MCF2L2: variants seen among roughly 807,000 people sequenced by gnomAD.
MCF2L2 encodes probable guanine nucleotide exchange factor MCF2L2.
MCF2L2 carries 102 observed loss-of-function variants against 150.2 expected under a neutral mutation model. That is an observed-to-expected ratio of 0.68 (90% CI 0.58 to 0.80). The LOEUF (loss-of-function observed/expected upper bound fraction) is 0.80. Ranked by LOEUF, MCF2L2 falls within the 30% of genes least tolerant of loss-of-function variation. MCF2L2 has a pLI of 0.00. For synonymous variants in MCF2L2, 465 were observed against 491.3 expected (o/e 0.95, Z 0.71); for missense variants, 1,256 against 1,372.8 (o/e 0.91, Z 1.34).
rs35973262 is a variant in MCF2L2 at position 183,217,294 on chromosome 3, CAAAAAAAAA to C, written c.2371-1209_2371-1201del. Among the ~76,000 whole-genome samples, 76 of 15,208 alleles carry C rather than the reference CAAAAAAAAA, an allele frequency of 5.0e-3. 1 individual carries two copies. The highest frequency in any genetic ancestry group is 0.018 in the African/African-American group (74 of 4,094). 10.0% of individuals were successfully genotyped at this position (15,208 alleles called of 152,430 possible). Reference sequence around the variant, plus strand: ...GGGTAACAAGAGTGAAACCCCGTCTCAAAAAAAAAAAAAAAAAAAAAAAAAAAAGTAGCT... The same window carrying C: ...GGGTAACAAGAGTGAAACCCCGTCTCAAAAAAAAAAAAAAAAAAAGTAGCT... On this transcript the variant is annotated intron_variant, in intron 21 of 29. Transcript: ENST00000328913.
At chr3:183,395,200 C>T (rs188880733) in intron 1 of MCF2L2, among the ~76,000 whole-genome samples, 42 of 152,270 alleles carry the variant, frequency 2.8e-4, no homozygotes, top group Admixed American at 5.2e-4. Flanking sequence ...TATGTAATGG[C>T]ATAGACTGTG....
chr3:183,371,514 C>T (rs1712880727), intron 3 of MCF2L2, among the ~76,000 whole-genome samples: 1 of 145,840 alleles, frequency 6.9e-6, no homozygotes, highest in African/African-American at 2.6e-5. Flanking sequence ...GTCACCCAGG[C>T]TGTAGTGCAG....
chr3:183,327,141 A>G (rs1730077870), intron 5 of MCF2L2, among the ~76,000 whole-genome samples: 1 of 152,070 alleles, frequency 6.6e-6, no homozygotes, highest in Non-Finnish European at 1.5e-5. Flanking sequence ...CCTGACCAAC[A>G]TGGTGAAACC....
intron 1 of MCF2L2, among the ~76,000 whole-genome samples, chr3:183,396,502 A>C (rs915151001): frequency 1.3e-5 from 2 of 152,190 alleles, no homozygotes; most frequent in Non-Finnish European, 2.9e-5. Flanking sequence ...GTTAAACACA[A>C]TTACATTTTA....
intron 22 of MCF2L2, among the ~76,000 whole-genome samples, chr3:183,212,956 T>TG (rs1173392435): frequency 0.04 from 156 of 3,878 alleles, no homozygotes; most frequent in Middle Eastern, 0.5. Context: ...TGTGGGGGGG[T>TG]GGGGGGGGTG....
intron 25 of MCF2L2, among the ~76,000 whole-genome samples, chr3:183,200,791 C>G (rs375646880): frequency 3.3e-5 from 5 of 151,948 alleles, no homozygotes; most frequent in East Asian, 1.9e-4. Flanking sequence ...ATCTTGAATT[C>G]ATTTTTGTAT....
At position 183,300,011 on chromosome 3, in the gene MCF2L2, C is replaced by T; in HGVS notation, c.1299G>A (p.Leu433=). The change falls in exon 11 of 30, where the codon CTG becomes CTA. Residue 433 remains leucine (L), a synonymous_variant. Coordinates refer to ENST00000328913, the MANE Select transcript of MCF2L2 (RefSeq NM_015078.4). ...TTGGCTGTGTTTTGCTCACCTTGTC[C>T]AGCTGTCTATGAAACTCTAAGGACT... The part of the protein sequence containing the change: ...LGKSLEFHRQ[L]DKVSQWCEAG... The T allele has an allele frequency of 6.2e-7, 1 of 1,611,776 alleles. No individual in the cohort carries two copies. Among genetic ancestry groups the T allele is most frequent in the Non-Finnish European group, 8.5e-7 (1 of 1,179,382 alleles).
At chr3:183,413,707 T>C (rs758589265) in intron 1 of MCF2L2, among the ~76,000 whole-genome samples, 18 of 152,234 alleles carry the variant, frequency 1.2e-4, no homozygotes, top group Admixed American at 7.2e-4. Context: ...CCTCTGCTTT[T>C]GTCAGGAGGT....
At chr3:183,188,904 G>T (rs1335567132) in intron 27 of MCF2L2, among the ~76,000 whole-genome samples, 3 of 152,100 alleles carry the variant, frequency 2.0e-5, no homozygotes, top group African/African-American at 7.2e-5. Flanking sequence ...GGAGGTGGAG[G>T]TTGCAGTGAT....
intron 15 of MCF2L2, among the ~76,000 whole-genome samples, chr3:183,249,325 T>C (rs1212400611): frequency 6.6e-6 from 1 of 152,182 alleles, no homozygotes; most frequent in East Asian, 1.9e-4. Flanking sequence ...ATCAGGCCAT[T>C]TTCACAGGGG....
chr3:183,382,625 ATAAT>A lies in MCF2L2; in HGVS notation c.161-3218_161-3215del, dbSNP rs555022103. On this transcript the variant is annotated intron_variant, in intron 2 of 29. Coordinates refer to ENST00000328913, the MANE Select transcript of MCF2L2 (RefSeq NM_015078.4). The stretch of plus-strand genomic sequence containing the variant: ...CGCGGTAATGCAATAGGAAGAAAGA[ATAAT>A]TATTCCAAAGTCCAGTGCATTCCTT... Among the ~76,000 whole-genome samples, 17 of 152,350 alleles carry A rather than the reference ATAAT, an allele frequency of 1.1e-4. No individual in the cohort carries two copies. The East Asian group carries it at 3.1e-3, about 28-fold the overall frequency.
intron 2 of MCF2L2, 23 bp downstream of exon 2, chr3:183,389,673 A>G: frequency 6.2e-7 from 1 of 1,606,782 alleles, no homozygotes; most frequent in Non-Finnish European, 8.5e-7. Flanking sequence ...AAATCTGGAA[A>G]TGCAAATGAA....
intron 21 of MCF2L2, among the ~76,000 whole-genome samples, 162 bp downstream of exon 21, chr3:183,219,694 A>T (rs926442698): frequency 6.6e-6 from 1 of 151,940 alleles, no homozygotes; most frequent in African/African-American, 2.4e-5. Context: ...ATTGCCTTTA[A>T]TTTTTTTGTT....
chr3:183,189,197 G>C (rs1247611362), intron 27 of MCF2L2, among the ~76,000 whole-genome samples: 1 of 152,208 alleles, frequency 6.6e-6, no homozygotes, highest in African/African-American at 2.4e-5. Flanking sequence ...TGCTACCAAG[G>C]CTTCTCCATT....
chr3:183,224,137 C>T lies in MCF2L2; in HGVS notation c.2169G>A (p.Arg723=). The T allele has an allele frequency of 2.5e-6, 4 of 1,613,970 alleles. No individual in the cohort carries two copies. The highest frequency in any genetic ancestry group is 3.4e-6 in the Non-Finnish European group (4 of 1,179,916). ...AGTCTTGACACTCTTGCCAGATTGCCCTAGCTCGGGGCAGATTCTTATGGT... is the reference window on the plus strand; with the variant it reads ...AGTCTTGACACTCTTGCCAGATTGCTCTAGCTCGGGGCAGATTCTTATGGT... ...FKYHKNLPRA[R]AIWQECQDCA... The change falls in exon 19 of 30, where the codon AGG becomes AGA. Residue 723 remains arginine, a synonymous_variant. Transcript: ENST00000328913.
intron 3 of MCF2L2, among the ~76,000 whole-genome samples, chr3:183,353,177 C>T (rs1476076541): frequency 1.3e-5 from 2 of 152,172 alleles, no homozygotes; most frequent in East Asian, 3.9e-4. Flanking sequence ...AAACCCAAAG[C>T]CTCTTAAGTG....
chr3:183,326,151 C>T (rs1047707561), intron 5 of MCF2L2, among the ~76,000 whole-genome samples: 8 of 152,066 alleles, frequency 5.3e-5, no homozygotes, highest in African/African-American at 1.4e-4. Context: ...AAAAGCAAGT[C>T]CTGATAGACC....
At chr3:183,315,595 A>T (rs1729572978) in intron 7 of MCF2L2, among the ~76,000 whole-genome samples, 1 of 152,254 alleles carries the variant, frequency 6.6e-6, no homozygotes, top group Non-Finnish European at 1.5e-5. Context: ...ATAACCTGAG[A>T]GAAGTCTTAG....
intron 3 of MCF2L2, among the ~76,000 whole-genome samples, chr3:183,359,004 T>G (rs1434061813): frequency 2.1e-5 from 2 of 96,322 alleles, no homozygotes; most frequent in Admixed American, 9.5e-5. Context: ...GTTCATTGGG[T>G]TTTTTTTTTT....
Sources: allele counts gnomAD v4.1 joint callset (sites outside exome capture counted in the v4.1 genomes callset), GRCh38; gene constraint gnomAD v4.1.1; transcripts MANE v1.5; gene names NCBI Gene and HGNC (gene_info 2026-07-23, HGNC 2026-07-21).